UGT1A3: variants seen among roughly 807,000 people sequenced by gnomAD.
The protein encoded by UGT1A3 is UDP glucuronosyltransferase family 1 member A3, also known as UDP-glucuronosyltransferase 1A3.
Under a neutral mutation model 41.0 loss-of-function variants are expected in UGT1A3, and 31 were observed. That is an observed-to-expected ratio of 0.76 (90% CI 0.57 to 1.02). The LOEUF is 1.02. Among genes scored for constraint, UGT1A3 ranks in the 50% least tolerant of loss-of-function variants. The pLI is 0.00. For missense variants in UGT1A3, 737 were observed against 671.0 expected (o/e 1.10, Z -1.09); for synonymous variants, 262 against 257.6 (o/e 1.02, Z -0.17).
At chr2:233,771,047 T>C (rs1700228624) in intron 4 of UGT1A3, 1 of 152,132 alleles carries the variant, frequency 6.6e-6, no homozygotes, top group South Asian at 2.1e-4. Flanking sequence ...TGCCACACAC[T>C]TTTTAATGAC....
chr2:233,772,383 C>T lies in UGT1A3; in HGVS notation c.1429C>T (p.Pro477Ser). The T allele has an allele frequency of 1.2e-6, 2 of 1,614,238 alleles. No individual in the cohort carries two copies. The highest frequency in any genetic ancestry group is 1.3e-5 in the African/African-American group (1 of 75,068). The change falls in exon 5 of 5, where the codon CCC becomes TCC. Residue 477 changes from proline (P) to serine (S), a missense_variant. Transcript: ENST00000482026. ...MRHKGAPHLR[P>S]AAHDLTWYQY... Reference sequence around the variant, plus strand: ...GCACAAGGGCGCGCCACACCTGCGCCCCGCAGCCCACGACCTCACCTGGTA... The same window carrying T: ...GCACAAGGGCGCGCCACACCTGCGCTCCGCAGCCCACGACCTCACCTGGTA...
rs1378719949 is a variant in UGT1A3, at chr2:233,755,434, G to A, written c.868-11600G>A. 1.3e-5 allele frequency: 4 copies of A among 316,454 alleles called. No homozygotes were observed. In the East Asian group the frequency reaches 3.3e-4, roughly 26 times the overall value. The allele number at this position is 316,454 out of a possible 1,614,324, so 19.6% of individuals were successfully genotyped here. A position where few individuals can be genotyped will look rare whatever the true frequency, so the allele number is the denominator to read the frequency against. ...GGCCTGTGAGCGCCTCGCATCCCAA[G>A]ATGCAGTGCTCCTGGGACTGGCCCT... On this transcript the variant is annotated intron_variant, in intron 1 of 4. Coordinates refer to ENST00000482026, the MANE Select transcript of UGT1A3 (RefSeq NM_019093.4).
chr2:233,765,938 G>C (rs1244987830), intron 1 of UGT1A3, among the ~76,000 whole-genome samples: 1 of 152,062 alleles, frequency 6.6e-6, no homozygotes, highest in Non-Finnish European at 1.5e-5. Context: ...AGGTTGTGGG[G>C]CTCTGACCTC....
At chr2:233,737,662 C>A (rs972377767) in intron 1 of UGT1A3, among the ~76,000 whole-genome samples, 3 of 152,186 alleles carry the variant, frequency 2.0e-5, no homozygotes, top group African/African-American at 7.2e-5. Context: ...AGCTGCAGAT[C>A]GGAGCTGTTC....
chr2:233,729,071 A>G lies in UGT1A3; in HGVS notation c.-56A>G. ...ACAAGGTAATTAAGATGAAGAAAGC[A>G]AATGTAGCAGGCACAGCGTGGGGTG... On this transcript the variant is annotated 5_prime_UTR_variant, in exon 1 of 5. Transcript: ENST00000482026. 6.2e-7 allele frequency: 1 copy of G among 1,611,650 alleles called. No individual in the cohort carries two copies. Among genetic ancestry groups the G allele is most frequent in the Non-Finnish European group, 8.5e-7 (1 of 1,179,530 alleles).
At chr2:233,751,255 T>G (rs977070137) in intron 1 of UGT1A3, among the ~76,000 whole-genome samples, 1 of 151,972 alleles carries the variant, frequency 6.6e-6, no homozygotes, top group Non-Finnish European at 1.5e-5. Context: ...GCATGGGGCC[T>G]GTAGCCCCCT....
At chr2:233,757,269 G>C (rs1302149472) in intron 1 of UGT1A3, among the ~76,000 whole-genome samples, 1 of 127,616 alleles carries the variant, frequency 7.8e-6, no homozygotes, top group African/African-American at 2.9e-5. Context: ...GGCAGCCGAT[G>C]CAATGATTCA....
intron 1 of UGT1A3, among the ~76,000 whole-genome samples, chr2:233,763,849 G>A (rs1198525346): frequency 6.6e-6 from 1 of 152,198 alleles, no homozygotes; most frequent in East Asian, 1.9e-4. Context: ...GATAGCAGTG[G>A]TTCACAGACA....
In UGT1A3 at chr2:233,744,132, C is replaced by G. The variant is rs576185082; in HGVS notation, c.867+14139C>G. The G allele has an allele frequency of 6.1e-4, 215 of 354,750 alleles. 4 individuals are homozygous for G. The highest frequency in any genetic ancestry group is 4.3e-3 in the African/African-American group (200 of 46,340). 22.0% of individuals were successfully genotyped at this position (354,750 alleles called of 1,614,324 possible). A position where few individuals can be genotyped will look rare whatever the true frequency, so the allele number is the denominator to read the frequency against. On this transcript the variant is annotated intron_variant, in intron 1 of 4. Transcript: ENST00000482026. ...CTGCTCTCTGTGAGGCTCTGTGAGGCCCTGTGATGCTCCAAGACCAGGCCC... is the reference window on the plus strand; with the variant it reads ...CTGCTCTCTGTGAGGCTCTGTGAGGGCCTGTGATGCTCCAAGACCAGGCCC...
chr2:233,762,200 T>G (rs1698000508), intron 1 of UGT1A3, among the ~76,000 whole-genome samples: 1 of 152,188 alleles, frequency 6.6e-6, no homozygotes, highest in African/African-American at 2.4e-5. Flanking sequence ...TGGGTCTGCA[T>G]GTATTTGGCG....
Position 233,729,354 on chromosome 2 carries a change from C to T in UGT1A3, c.228C>T (p.Thr76=). 3 of 1,614,190 alleles carry T rather than the reference C, an allele frequency of 1.9e-6. No individual in the cohort carries two copies. Among genetic ancestry groups the T allele is most frequent in the African/African-American group, 1.3e-5 (1 of 75,068 alleles). Residue 76 remains threonine, a synonymous_variant, in exon 1 of 5, where the codon ACC becomes ACT. Transcript: ENST00000482026. ...ACATCAAAGAAGAGAACTTTTTCAC[C>T]CTGACAACCTATGCCATTTCGTGGA... is the stretch of plus-strand genomic sequence containing the variant. ...NMHIKEENFF[T]LTTYAISWTQ... is the part of the protein sequence containing the mutation.
chr2:233,764,455 C>T (rs1040568062), intron 1 of UGT1A3, among the ~76,000 whole-genome samples: 13 of 152,170 alleles, frequency 8.5e-5, no homozygotes, highest in African/African-American at 2.7e-4. Context: ...TTTAAACTTT[C>T]GTGATCTCCT....
intron 2 of UGT1A3, among the ~76,000 whole-genome samples, 162 bp from the exon 3 acceptor site, chr2:233,767,687 C>A (rs1297182892): frequency 6.6e-6 from 1 of 152,176 alleles, no homozygotes; most frequent in Non-Finnish European, 1.5e-5. Flanking sequence ...AAACAAGATG[C>A]CGGAAGTTGC....
At chr2:233,733,599 G>A (rs2078419468) in intron 1 of UGT1A3, among the ~76,000 whole-genome samples, 1 of 152,146 alleles carries the variant, frequency 6.6e-6, no homozygotes, top group Non-Finnish European at 1.5e-5. Context: ...TTTATGTGAT[G>A]GATTACATTT....
chr2:233,755,178 T>A, intron 1 of UGT1A3: 1 of 1,236,812 alleles, frequency 8.1e-7, no homozygotes, highest in Non-Finnish European at 1.1e-6. Flanking sequence ...TTTGTCGGGG[T>A]GCCACTTGAG....
chr2:233,742,319 G>A (rs1288703999), intron 1 of UGT1A3, among the ~76,000 whole-genome samples: 1 of 151,924 alleles, frequency 6.6e-6, no homozygotes, highest in African/African-American at 2.4e-5. Flanking sequence ...TATTCCTTAC[G>A]GGAAACAAAG....
intron 1 of UGT1A3, chr2:233,753,428 T>C (rs1420824589): frequency 6.6e-6 from 1 of 152,236 alleles, no homozygotes; most frequent in East Asian, 1.9e-4. Context: ...ACAGTATTTG[T>C]TGGTTAATGA....
intron 1 of UGT1A3, among the ~76,000 whole-genome samples, chr2:233,748,545 C>G (rs949815258): frequency 1.3e-5 from 2 of 151,744 alleles, no homozygotes; most frequent in African/African-American, 4.9e-5. Context: ...CACAGGAGAC[C>G]TAAGCACTCG....
intron 1 of UGT1A3, chr2:233,755,115 G>A: frequency 1.5e-6 from 2 of 1,331,678 alleles, no homozygotes; most frequent in Non-Finnish European, 2.0e-6. Context: ...CACCTCGTAG[G>A]CCTCAGCCAC....
Sources: gnomAD v4.1 joint callset for allele counts (sites outside exome capture counted in the v4.1 genomes callset) on GRCh38, gnomAD v4.1.1 for gene constraint, MANE v1.5 for transcripts, NCBI Gene and HGNC (gene_info 2026-07-23, HGNC 2026-07-21) for gene names.